Variants in EZR observed in about 807,000 individuals in gnomAD.
EZR encodes ezrin, also known as cytovillin 2.
In EZR, 40 loss-of-function variants were observed where a neutral mutation model predicts 74.8. That is an observed-to-expected ratio of 0.53 (90% CI 0.42 to 0.70). The LOEUF is 0.70. Among genes scored for constraint, EZR ranks in the 30% least tolerant of loss-of-function variants. The pLI is 0.00. For synonymous variants in EZR, 341 were observed against 283.3 expected, an observed-to-expected ratio of 1.20 and a Z score of -2.05; for missense variants, 678 against 755.8, an observed-to-expected ratio of 0.90 and a Z score of 1.21.
intron 7 of EZR, among the ~76,000 whole-genome samples, chr6:158,782,263 T>C (rs1021683067): frequency 2.6e-5 from 4 of 152,128 alleles, no homozygotes; most frequent in East Asian, 1.9e-4. Flanking sequence ...CCAAGTGAAA[T>C]AGATCTGTGC....
chr6:158,766,906 C>A lies in EZR; in HGVS notation c.*8G>T. The A allele has an allele frequency of 1.9e-6, 3 of 1,613,592 alleles. No individual in the cohort carries two copies. The highest frequency in any genetic ancestry group is 1.7e-6 in the Non-Finnish European group (2 of 1,179,674). Reference sequence around the variant, plus strand: ...AGCACCCCTCTGCCCTTGGTCCTGGCCTGGCTGTTACAGGGCCTCGAACTC... The same window carrying A: ...AGCACCCCTCTGCCCTTGGTCCTGGACTGGCTGTTACAGGGCCTCGAACTC... On this transcript the variant is annotated 3_prime_UTR_variant, in exon 14 of 14. Coordinates refer to ENST00000367075, the MANE Select transcript of EZR (RefSeq NM_001111077.2).
Position 158,776,442 on chromosome 6 carries a change from T to A in EZR, c.761A>T (p.Lys254Met). ...CTTGTCGATGGGTTTAATGACAAAC[T>A]TTTTGTCATTGAAAGAGATGTTCCT... is the stretch of plus-strand genomic sequence containing the variant. Reference protein sequence around the residue: ...EIRNISFNDKKFVIKPIDKKA... With the variant: ...EIRNISFNDKMFVIKPIDKKA... Residue 254 changes from lysine (K) to methionine (M), a missense_variant, in exon 8 of 14, where the codon AAG becomes ATG. Physicochemically the swap from Lys to Met is moderately conservative, Grantham distance 95. Transcript: ENST00000367075. The A allele has an allele frequency of 6.2e-7, 1 of 1,613,880 alleles. No individual in the cohort carries two copies. The highest frequency in any genetic ancestry group is 8.5e-7 in the Non-Finnish European group (1 of 1,179,900).
At chr6:158,812,074 C>A (rs1026161408) in intron 2 of EZR, among the ~76,000 whole-genome samples, 3 of 152,042 alleles carry the variant, frequency 2.0e-5, no homozygotes, top group African/African-American at 7.3e-5. Flanking sequence ...GGACTCCCTG[C>A]AGAGAGAAAC....
chr6:158,790,694 A>AAC (rs1017358686), intron 2 of EZR, among the ~76,000 whole-genome samples: 1 of 151,790 alleles, frequency 6.6e-6, no homozygotes, highest in Non-Finnish European at 1.5e-5. Context: ...AACAAAAAAA[A>AAC]CCCACCACCA....
At chr6:158,767,937 C>T (rs1790956670) in intron 12 of EZR, among the ~76,000 whole-genome samples, 1 of 152,032 alleles carries the variant, frequency 6.6e-6, no homozygotes, top group South Asian at 2.1e-4. Context: ...TCCCAGCCAG[C>T]CCTAGAGTTG....
At position 158,776,353 on chromosome 6, in the gene EZR, G is replaced by A. The variant is rs988838297; in HGVS notation, c.795+55C>T. On this transcript the variant is annotated intron_variant, in intron 8 of 13. Transcript: ENST00000367075. ...CACAGTATAACTTGTCCGTTACCCT[G>A]ACAAGTATAAGAATGAAAAACAGTA... The A allele has an allele frequency of 5.7e-6, 8 of 1,399,458 alleles. No individual in the cohort carries two copies. In the African/African-American group the frequency reaches 9.9e-5, roughly 17 times the overall value. 86.7% of individuals were successfully genotyped at this position (1,399,458 alleles called of 1,614,324 possible).
intron 7 of EZR, among the ~76,000 whole-genome samples, chr6:158,782,071 T>C (rs1338446126): frequency 6.6e-6 from 1 of 152,154 alleles, no homozygotes; most frequent in Non-Finnish European, 1.5e-5. Flanking sequence ...TCCGTGCTTC[T>C]TTACCAATGC....
At chr6:158,796,311 C>G (rs1777068933) in intron 2 of EZR, among the ~76,000 whole-genome samples, 1 of 152,246 alleles carries the variant, frequency 6.6e-6, no homozygotes, top group African/African-American at 2.4e-5. Context: ...AAACCCCAAG[C>G]TGCTTTATTT....
chr6:158,767,164 G>A, intron 13 of EZR, 86 bp from the exon 14 acceptor site: 1 of 1,586,874 alleles, frequency 6.3e-7, no homozygotes, highest in African/African-American at 1.3e-5. Context: ...GGCAAGAGGG[G>A]TGCTGGGTGG....
chr6:158,793,492 G>A (rs970892894), intron 2 of EZR, among the ~76,000 whole-genome samples: 1 of 152,018 alleles, frequency 6.6e-6, no homozygotes, highest in East Asian at 1.9e-4. Context: ...ATCTAAACAG[G>A]TAAATGAATA....
At chr6:158,819,143 G>A (rs1457958466) in intron 1 of EZR, among the ~76,000 whole-genome samples, 174 bp downstream of exon 1, 1 of 151,808 alleles carries the variant, frequency 6.6e-6, no homozygotes, top group Non-Finnish European at 1.5e-5. Flanking sequence ...AAGGTCGCGG[G>A]GCCGCGGGCC....
rs1181637385 is a variant in EZR at position 158,765,802 on chromosome 6, G to GCAT, written c.*1109_*1111dup. The GCAT allele has an allele frequency of 1.3e-5, 2 of 152,252 alleles. No individual in the cohort carries two copies. The highest frequency in any genetic ancestry group is 2.9e-5 in the Non-Finnish European group (2 of 68,044). 9.4% of individuals were successfully genotyped at this position (152,252 alleles called of 1,614,324 possible). On this transcript the variant is annotated 3_prime_UTR_variant, in exon 14 of 14. Transcript: ENST00000367075. ...GCGGCATGGAATCCACCTGCACATG[G>GCAT]CATCTTAGCTGTGAAGGAGAAAGCA... is the stretch of plus-strand genomic sequence containing the variant.
At position 158,766,276 on chromosome 6, in the gene EZR, A is replaced by G. The variant is rs993326509; in HGVS notation, c.*638T>C. The G allele has an allele frequency of 6.6e-6, 1 of 151,422 alleles. No individual in the cohort carries two copies. The highest frequency in any genetic ancestry group is 2.4e-5 in the African/African-American group (1 of 40,934). The allele number at this position is 151,422 out of a possible 1,614,324, so 9.4% of individuals were successfully genotyped here. ...GATCATTAATAAGGTGTATAAGTACAATGTATTCTAAAACTGTTAAGCAAA... is the reference window on the plus strand; with the variant it reads ...GATCATTAATAAGGTGTATAAGTACGATGTATTCTAAAACTGTTAAGCAAA... On this transcript the variant is annotated 3_prime_UTR_variant, in exon 14 of 14. Transcript: ENST00000367075.
At chr6:158,818,978 C>CA (rs922204582) in intron 1 of EZR, among the ~76,000 whole-genome samples, 5 of 152,160 alleles carry the variant, frequency 3.3e-5, no homozygotes, top group Admixed American at 3.3e-4. Context: ...CTTTGTGTAG[C>CA]AACCGTTGCC....
chr6:158,799,814 C>T (rs538406428), intron 2 of EZR, among the ~76,000 whole-genome samples: 1 of 152,330 alleles, frequency 6.6e-6, no homozygotes, highest in South Asian at 2.1e-4. Flanking sequence ...TTTTTTAAAG[C>T]TCTTCTTTCT....
At chr6:158,809,715 T>A (rs969448539) in intron 2 of EZR, among the ~76,000 whole-genome samples, 2 of 152,256 alleles carry the variant, frequency 1.3e-5, no homozygotes, top group African/African-American at 4.8e-5. Context: ...AAGGTTAGAA[T>A]AAATGCTTAA....
rs185319891 is a variant in EZR, at chr6:158,800,734, G to C, written c.13-11363C>G. ...GGACAATCGCTTGAACCTGGGAGGT[G>C]GAGGCTGCAGTGTGCCGAGATTGCA... On this transcript the variant is annotated intron_variant, in intron 2 of 13. Transcript: ENST00000367075. Among the ~76,000 whole-genome samples, 243 of 152,216 alleles carry C rather than the reference G, an allele frequency of 1.6e-3. 1 individual carries two copies. Among genetic ancestry groups the C allele is most frequent in the African/African-American group, 5.5e-3 (229 of 41,552 alleles).
At chr6:158,803,610 TATATATATATATATAC>T (rs1777259761) in intron 2 of EZR, among the ~76,000 whole-genome samples, 1 of 17,998 alleles carries the variant, frequency 5.6e-5, no homozygotes, top group African/African-American at 2.0e-4. Context: ...TATATACATA[TATATATATATATATAC>T]ATATACATAC....
chr6:158,813,544 C>T (rs1233487388), intron 2 of EZR, among the ~76,000 whole-genome samples: 2 of 150,068 alleles, frequency 1.3e-5, no homozygotes, highest in East Asian at 1.9e-4. Flanking sequence ...CACTGCCCCT[C>T]GTGGAGGAGG....
Sources: allele counts gnomAD v4.1 joint callset (sites outside exome capture counted in the v4.1 genomes callset), GRCh38; gene constraint gnomAD v4.1.1; transcripts MANE v1.5; gene names NCBI Gene and HGNC (gene_info 2026-07-23, HGNC 2026-07-21).